Variants in SLC17A7 observed in about 807,000 individuals in gnomAD.
SLC17A7 encodes solute carrier family 17 member 7, also known as vesicular glutamate transporter 1.
A neutral mutation model predicts 59.1 loss-of-function variants in SLC17A7; 15 were observed. The observed-to-expected ratio is 0.25, with a 90% confidence interval of 0.17 to 0.39. The LOEUF is 0.39. Ranked by LOEUF, SLC17A7 falls within the 10% of genes least tolerant of loss-of-function variation. The pLI is 1.00. For missense variants in SLC17A7, 499 were observed against 765.1 expected, an observed-to-expected ratio of 0.65 and a Z score of 4.10; for synonymous variants, 353 against 308.9, an observed-to-expected ratio of 1.14 and a Z score of -1.50.
At chr19:49,434,970 T>C in intron 3 of SLC17A7, 88 bp from the exon 4 acceptor site, 5 of 1,331,936 alleles carry the variant, frequency 3.8e-6, no homozygotes, top group Non-Finnish European at 5.4e-6. Flanking sequence ...CTAGGCCCAG[T>C]GGTCCCCGGG....
In SLC17A7 at chr19:49,441,336, G is replaced by A. The variant is rs1243039492; in HGVS notation, c.44C>T (p.Ala15Val). 2.5e-6 allele frequency: 4 copies of A among 1,609,924 alleles called. No homozygotes were observed. The highest frequency in any genetic ancestry group is 3.4e-6 in the Non-Finnish European group (4 of 1,178,986). The change falls in exon 1 of 12, where the codon GCT (alanine) becomes GTT (valine). Residue 15 changes from alanine to valine, a missense_variant. Physicochemically the swap from Ala to Val is moderately conservative, Grantham distance 64 (BLOSUM62 0). Around this residue, in one of 3 missense-constraint regions of SLC17A7, gnomAD observed 78 missense variants for 80.4 expected, o/e 0.97. Transcript: ENST00000221485. Reference sequence around the variant, plus strand: ...GGCTCACCGGTGCAGCTTCCCGAGAGCACGACCCGCTAGCTTCCGAAACTC... The same window carrying A: ...GGCTCACCGGTGCAGCTTCCCGAGAACACGACCCGCTAGCTTCCGAAACTC... ...QEEFRKLAGR[A>V]LGKLHRLLEK...
chr19:49,431,311 C>T lies in SLC17A7; in HGVS notation c.1261+27G>A, dbSNP rs1442300623. ...TTCCCTACAGAGCTGACCAGAGTCCCCCAAGCTGCGGATCCGCGGTTCTCA... is the reference window on the plus strand; with the variant it reads ...TTCCCTACAGAGCTGACCAGAGTCCTCCAAGCTGCGGATCCGCGGTTCTCA... On this transcript the variant is annotated intron_variant, in intron 10 of 11. Coordinates refer to ENST00000221485, the MANE Select transcript of SLC17A7 (RefSeq NM_020309.4). This position sits in a 1 kb window ranked among gnomAD's most constrained non-coding sequence, Gnocchi z 4.6. The T allele has an allele frequency of 6.2e-7, 1 of 1,611,300 alleles. No homozygotes were observed. Among genetic ancestry groups the T allele is most frequent in the Non-Finnish European group, 8.5e-7 (1 of 1,177,958 alleles).
chr19:49,435,580 T>C (rs1441673267), intron 2 of SLC17A7: 3 of 311,762 alleles, frequency 9.6e-6, no homozygotes, highest in African/African-American at 6.5e-5. Flanking sequence ...TGTATGATGA[T>C]GACTCTCTCC....
rs2122293325 is a variant in SLC17A7, at chr19:49,431,827, C to CAA, written c.1151-381_1151-380dup. Among the ~76,000 whole-genome samples the CAA allele has an allele frequency of 6.6e-6, 1 of 151,578 alleles. No individual in the cohort carries two copies. The highest frequency in any genetic ancestry group is 6.6e-5 in the Admixed American group (1 of 15,224). ...TTGATTTTTTATTTTTTTTAAGAGA[C>CAA]AAAGTCTCACGACGTTGCCCAGGCT... On this transcript the variant is annotated intron_variant, in intron 9 of 11. Transcript: ENST00000221485. The surrounding 1 kb of genome is among the most constrained non-coding windows in gnomAD (Gnocchi z 4.6).
Position 49,441,299 on chromosome 19 carries a change from G to T in SLC17A7, c.62+19C>A, listed in dbSNP as rs2078998812. The stretch of plus-strand genomic sequence containing the variant: ...CTCAGATCCTCCCACTCTTCTCCCG[G>T]GACCCCCGCCAGGCTCACCGGTGCA... On this transcript the variant is annotated intron_variant, in intron 1 of 11. Transcript: ENST00000221485. 1 of 1,607,666 alleles carries T rather than the reference G, an allele frequency of 6.2e-7. No homozygotes were observed.
rs773415154 is a variant in SLC17A7, at chr19:49,430,574, G to A, written c.1628C>T (p.Ala543Val). 1.2e-6 allele frequency: 2 copies of A among 1,602,264 alleles called. No homozygotes were observed. Among genetic ancestry groups the A allele is most frequent in the Admixed American group, 1.7e-5 (1 of 59,758 alleles). ...GGGGGGCTGAAATGTGCTGTGTGTG[G>A]CCCCATAGGAGGGCGGGGGTGCAGG... ...APPAPPPSYG[A>V]THSTFQPPRP... Residue 543 changes from alanine (A) to valine (V), a missense_variant, in exon 12 of 12, where the codon GCC becomes GTC. Physicochemically the swap from Ala to Val is moderately conservative, Grantham distance 64. This residue lies in a region of SLC17A7 where 98 missense variants were observed against 77.5 expected (regional missense o/e 1.27). Coordinates refer to ENST00000221485, the MANE Select transcript of SLC17A7 (RefSeq NM_020309.4).
At position 49,433,884 on chromosome 19, in the gene SLC17A7, G is replaced by T. The variant is rs772207811; in HGVS notation, c.725-16C>A. On this transcript the variant is annotated splice_polypyrimidine_tract_variant and intron_variant, in intron 6 of 11. Transcript: ENST00000221485. This position sits in a 1 kb window ranked among gnomAD's most constrained non-coding sequence, Gnocchi z 5.7. Reference sequence around the variant, plus strand: ...CCGAAGCTGCCTGGGGGGGTCAGGAGGGGGATGGGAGCGAGGTGAGGACCG... The same window carrying T: ...CCGAAGCTGCCTGGGGGGGTCAGGATGGGGATGGGAGCGAGGTGAGGACCG... 3 of 1,611,430 alleles carry T rather than the reference G, an allele frequency of 1.9e-6. No homozygotes were observed. The South Asian group carries it at 3.3e-5, about 18-fold the overall frequency.
chr19:49,430,962 T>C, intron 11 of SLC17A7, 53 bp downstream of exon 11: 6 of 1,572,582 alleles, frequency 3.8e-6, no homozygotes, highest in Non-Finnish European at 5.2e-6. Context: ...CGTGGTCAGT[T>C]AGGTACGAAG....
intron 9 of SLC17A7, among the ~76,000 whole-genome samples, chr19:49,432,220 C>A (rs2078963384): frequency 6.6e-6 from 1 of 152,206 alleles, no homozygotes; most frequent in African/African-American, 2.4e-5. Flanking sequence ...CCTACCACAC[C>A]CAACTTTGTG....
At chr19:49,434,730 T>A in intron 4 of SLC17A7, 38 bp downstream of exon 4, 1 of 1,613,956 alleles carries the variant, frequency 6.2e-7, no homozygotes, top group Non-Finnish European at 8.5e-7. Context: ...AGAGGCAGGG[T>A]CCGAGCGAGG....
chr19:49,440,637 G>T (rs1307329615), intron 1 of SLC17A7, among the ~76,000 whole-genome samples: 1 of 152,190 alleles, frequency 6.6e-6, no homozygotes, highest in East Asian at 1.9e-4. Flanking sequence ...CCCCCTCAAG[G>T]ACAACGGGCT....
At chr19:49,440,432 G>T (rs2078995813) in intron 1 of SLC17A7, among the ~76,000 whole-genome samples, 1 of 152,210 alleles carries the variant, frequency 6.6e-6, no homozygotes, top group African/African-American at 2.4e-5. Context: ...GTGAGAGCCT[G>T]TGGGGAGGTG....
chr19:49,430,598 G>A lies in SLC17A7; in HGVS notation c.1604C>T (p.Pro535Leu), dbSNP rs141869980. ...EDEAEPPGAP[P>L]APPPSYGATH... ...GGCCCCATAGGAGGGCGGGGGTGCA[G>A]GGGGTGCCCCCGGGGGCTCAGCCTC... is the stretch of plus-strand genomic sequence containing the variant. The change falls in exon 12 of 12, where the codon CCT (proline) becomes CTT (leucine). Residue 535 changes from proline to leucine, a missense_variant. Physicochemically the swap from Pro to Leu is moderately conservative, Grantham distance 98. Transcript: ENST00000221485. The A allele has an allele frequency of 1.9e-6, 3 of 1,613,068 alleles. No individual in the cohort carries two copies. Among genetic ancestry groups the A allele is most frequent in the African/African-American group, 2.7e-5 (2 of 75,012 alleles).
At position 49,430,359 on chromosome 19, in the gene SLC17A7, T is replaced by G; in HGVS notation, c.*160A>C. On this transcript the variant is annotated 3_prime_UTR_variant, in exon 12 of 12. Coordinates refer to ENST00000221485, the MANE Select transcript of SLC17A7 (RefSeq NM_020309.4). ...CAGCTTCACTACCCCTGAGAGGCAA[T>G]TGGGAAGGAAAGAGGATTTGACAGC... 1 of 551,374 alleles carries G rather than the reference T, an allele frequency of 1.8e-6. No individual in the cohort carries two copies. Among genetic ancestry groups the G allele is most frequent in the African/African-American group, 1.9e-5 (1 of 51,862 alleles). The allele number at this position is 551,374 out of a possible 1,614,324, so 34.2% of individuals were successfully genotyped here. A position where few individuals can be genotyped will look rare whatever the true frequency, so the allele number is the denominator to read the frequency against.
chr19:49,432,717 C>G, intron 8 of SLC17A7, 66 bp from the exon 9 acceptor site: 6 of 1,604,564 alleles, frequency 3.7e-6, no homozygotes, highest in East Asian at 2.2e-5. Context: ...CTGCCCGGTC[C>G]GTGCACCACC....
chr19:49,430,630 C>A lies in SLC17A7; in HGVS notation c.1572G>T (p.Met524Ile), dbSNP rs759248840. 2.5e-6 allele frequency: 4 copies of A among 1,614,074 alleles called. No individual in the cohort carries two copies. In the South Asian group the frequency reaches 4.4e-5, roughly 18 times the overall value. The change falls in exon 12 of 12, where the codon ATG (methionine) becomes ATT (isoleucine). Residue 524 changes from methionine to isoleucine, a missense_variant. By Grantham distance (10) the Met-to-Ile change is conservative. Around this residue, in one of 3 missense-constraint regions of SLC17A7, gnomAD observed 98 missense variants for 77.5 expected, o/e 1.27. Transcript: ENST00000221485. ...DQLAGSDDSE[M>I]EDEAEPPGAP... ...CCCCCGGGGGCTCAGCCTCATCCTC[C>A]ATTTCGCTGTCGTCACTGCCAGCCA...
At position 49,429,712 on chromosome 19, in the gene SLC17A7, A is replaced by G. The variant is rs1200260897; in HGVS notation, c.*807T>C. 2 of 396,458 alleles carry G rather than the reference A, an allele frequency of 5.0e-6. No individual in the cohort carries two copies. The highest frequency in any genetic ancestry group is 8.9e-6 in the Non-Finnish European group (2 of 225,110). The allele number at this position is 396,458 out of a possible 1,614,324, so 24.6% of individuals were successfully genotyped here. ...TGCGAGGAATTGGGGAGGGGGCATC[A>G]TGAAACCACCATGGGGGAGTTCAAT... On this transcript the variant is annotated 3_prime_UTR_variant, in exon 12 of 12. Coordinates refer to ENST00000221485, the MANE Select transcript of SLC17A7 (RefSeq NM_020309.4).
chr19:49,436,464 T>A lies in SLC17A7; in HGVS notation c.315+85A>T. The A allele has an allele frequency of 6.5e-7, 1 of 1,533,986 alleles. No individual in the cohort carries two copies. The highest frequency in any genetic ancestry group is 8.8e-7 in the Non-Finnish European group (1 of 1,134,110). On this transcript the variant is annotated intron_variant, in intron 2 of 11. Coordinates refer to ENST00000221485, the MANE Select transcript of SLC17A7 (RefSeq NM_020309.4). The surrounding 1 kb of genome is among the most constrained non-coding windows in gnomAD (Gnocchi z 4.1). ...TCGGAAGGGGCGTGGCCTGGACGTCTGGTGGGTGAGTGTGACGTCATGGGG... is the reference window on the plus strand; with the variant it reads ...TCGGAAGGGGCGTGGCCTGGACGTCAGGTGGGTGAGTGTGACGTCATGGGG...
In SLC17A7 at chr19:49,429,551, G is replaced by T. The variant is rs569576079; in HGVS notation, c.*968C>A. On this transcript the variant is annotated 3_prime_UTR_variant, in exon 12 of 12. Transcript: ENST00000221485. ...ATGGGATTCTGTGACTTCTCTATAGGTTCCCCAAATTCTAAGCTGAAAGAG... is the reference window on the plus strand; with the variant it reads ...ATGGGATTCTGTGACTTCTCTATAGTTTCCCCAAATTCTAAGCTGAAAGAG... 28 of 399,032 alleles carry T rather than the reference G, an allele frequency of 7.0e-5. No homozygotes were observed. Among genetic ancestry groups the T allele is most frequent in the Non-Finnish European group, 4.0e-5 (9 of 226,076 alleles). 24.7% of individuals were successfully genotyped at this position (399,032 alleles called of 1,614,324 possible).
Sources: allele counts gnomAD v4.1 joint callset (sites outside exome capture counted in the v4.1 genomes callset), GRCh38; gene constraint gnomAD v4.1.1; regional missense constraint gnomAD v4.1.1; non-coding constraint Gnocchi (gnomAD v3.1); transcripts MANE v1.5; gene names NCBI Gene and HGNC (gene_info 2026-07-23, HGNC 2026-07-21).